The following PLCE1 variants were observed in gnomAD, a reference collection of about 807,000 sequenced individuals.
The protein encoded by PLCE1 is 1-phosphatidylinositol 4,5-bisphosphate phosphodiesterase epsilon-1.
A neutral mutation model predicts 242.8 loss-of-function variants in PLCE1; 119 were observed. The ratio of observed to expected loss-of-function variants is 0.49; its 90% CI spans 0.42 to 0.57. The LOEUF is 0.57. PLCE1 is among the 20% of genes least tolerant of loss of function. PLCE1 has a pLI of 0.00. For synonymous variants in PLCE1, 945 were observed against 1,017.4 expected (o/e 0.93, Z 1.35); for missense variants, 2,441 against 2,788.8 (o/e 0.88, Z 2.81).
chr10:94,138,070 G>T (rs1184642929), intron 3 of PLCE1: 1 of 363,788 alleles, frequency 2.7e-6, no homozygotes, highest in Non-Finnish European at 5.4e-6. Flanking sequence ...TTCGTCAGTT[G>T]TCTGTGGGCG....
intron 3 of PLCE1, among the ~76,000 whole-genome samples, chr10:94,142,192 G>A (rs557776096): frequency 1.2e-3 from 175 of 152,078 alleles, no homozygotes; most frequent in Non-Finnish European, 2.0e-3. Context: ...CAACAACTTC[G>A]GAGAGTTGTT....
At chr10:94,280,216 T>A in intron 20 of PLCE1, 1 of 410,874 alleles carries the variant, frequency 2.4e-6, no homozygotes, top group South Asian at 2.2e-5. Context: ...GTTTCTAGCG[T>A]GGCTGATAAT....
rs2051012911 is a variant in PLCE1, at chr10:94,254,923, C to T, written c.3428C>T (p.Pro1143Leu). The T allele has an allele frequency of 6.2e-7, 1 of 1,614,104 alleles. No individual in the cohort carries two copies. The highest frequency in any genetic ancestry group is 8.5e-7 in the Non-Finnish European group (1 of 1,179,996). Residue 1143 changes from proline (P) to leucine (L), a missense_variant, in exon 11 of 33, where the codon CCC (proline) becomes CTC (leucine). This residue lies in a region of PLCE1 where 1,004 missense variants were observed against 1,322.7 expected (regional missense o/e 0.76). Transcript: ENST00000371380. ...AATGCCATCGCTAACCCTCCAAACC[C>T]CCTCCCTTCCAGAAGAGCCCACTCT... ...EVNAIANPPN[P>L]LPSRRAHSLT...
intron 2 of PLCE1, among the ~76,000 whole-genome samples, chr10:94,091,326 C>T (rs2045060204): frequency 6.6e-6 from 1 of 152,182 alleles, no homozygotes. Flanking sequence ...TGAAAAGCCT[C>T]CTCCATGGCA....
intron 3 of PLCE1, among the ~76,000 whole-genome samples, chr10:94,157,375 C>A (rs569427256): frequency 1.3e-5 from 2 of 152,150 alleles, no homozygotes; most frequent in Non-Finnish European, 2.9e-5. Flanking sequence ...ATTTCCCCAT[C>A]ATCACTGTGA....
chr10:94,226,941 C>T (rs2137170579), intron 4 of PLCE1, among the ~76,000 whole-genome samples: 1 of 149,456 alleles, frequency 6.7e-6, no homozygotes, highest in South Asian at 2.1e-4. Flanking sequence ...TCGCTGCTCG[C>T]TGCAACCTTC....
At chr10:94,000,161 G>C (rs972675737) in intron 1 of PLCE1, among the ~76,000 whole-genome samples, 1 of 152,194 alleles carries the variant, frequency 6.6e-6, no homozygotes, top group South Asian at 2.1e-4. Context: ...GAGATTTTGC[G>C]TGAAAGAGGG....
chr10:94,198,450 TA>T (rs1199312017), intron 4 of PLCE1, among the ~76,000 whole-genome samples: 1 of 152,244 alleles, frequency 6.6e-6, no homozygotes, highest in East Asian at 1.9e-4. Flanking sequence ...TAAATTGAAC[TA>T]TAATTTACAT....
chr10:94,054,564 T>C (rs2043849901), intron 2 of PLCE1, among the ~76,000 whole-genome samples: 1 of 152,232 alleles, frequency 6.6e-6, no homozygotes, highest in Non-Finnish European at 1.5e-5. Context: ...TAAACTACTT[T>C]GTGAAGCCTC....
chr10:94,093,863 G>A (rs2045178261), intron 2 of PLCE1, among the ~76,000 whole-genome samples: 1 of 151,782 alleles, frequency 6.6e-6, no homozygotes, highest in Non-Finnish European at 1.5e-5. Context: ...GGTTTGTCAG[G>A]GTCAAAAGCT....
intron 2 of PLCE1, among the ~76,000 whole-genome samples, chr10:94,117,206 G>A (rs2046159929): frequency 1.3e-5 from 2 of 152,174 alleles, no homozygotes; most frequent in East Asian, 1.9e-4. Flanking sequence ...AAGAGTGTGA[G>A]GAATGAGCTT....
At chr10:94,263,115 C>T (rs536161414) in intron 14 of PLCE1, among the ~76,000 whole-genome samples, 5 of 152,202 alleles carry the variant, frequency 3.3e-5, no homozygotes, top group African/African-American at 1.2e-4. Context: ...CGTGATCTGC[C>T]CACCTCGGCC....
intron 7 of PLCE1, among the ~76,000 whole-genome samples, chr10:94,237,678 A>G (rs942433632): frequency 3.9e-5 from 6 of 152,158 alleles, no homozygotes; most frequent in African/African-American, 1.4e-4. Context: ...TCTTTACCTC[A>G]AGTGACTGCT....
chr10:94,066,071 CA>C lies in PLCE1; in HGVS notation c.1206+33820del, dbSNP rs544058199. Among the ~76,000 whole-genome samples the C allele has an allele frequency of 1.3e-3, 194 of 152,202 alleles. 1 individual carries two copies. The highest frequency in any genetic ancestry group is 3.9e-3 in the African/African-American group (162 of 41,510). ...TCATCTATAAAACAATCTATACTCT[CA>C]GGGGGAGGAGAAGAGGCACAAAAAT... On this transcript the variant is annotated intron_variant, in intron 2 of 32. Coordinates refer to ENST00000371380, the MANE Select transcript of PLCE1 (RefSeq NM_016341.4).
chr10:94,261,372 G>A (rs2051292228), intron 13 of PLCE1, among the ~76,000 whole-genome samples: 1 of 152,124 alleles, frequency 6.6e-6, no homozygotes, highest in East Asian at 1.9e-4. Flanking sequence ...ATTTTGCGGA[G>A]GTACTACAGT....
chr10:94,268,905 TG>T, intron 16 of PLCE1, 23 bp from the exon 17 acceptor site: 1 of 1,384,418 alleles, frequency 7.2e-7, no homozygotes, highest in Non-Finnish European at 1.0e-6. Context: ...TCACCTGGGG[TG>T]GATTCGCTCA....
chr10:94,311,537 C>T (rs1324175962), intron 27 of PLCE1, among the ~76,000 whole-genome samples: 1 of 152,236 alleles, frequency 6.6e-6, no homozygotes, highest in Non-Finnish European at 1.5e-5. Context: ...CCATGGAGAG[C>T]ATCACTCTCC....
At chr10:94,212,914 G>T (rs576796087) in intron 4 of PLCE1, among the ~76,000 whole-genome samples, 1 of 152,222 alleles carries the variant, frequency 6.6e-6, no homozygotes, top group Non-Finnish European at 1.5e-5. Context: ...TGCTCATCAA[G>T]ATTTCAAAAT....
Position 94,298,764 on chromosome 10 carries a change from T to G in PLCE1, c.5458+95T>G. ...TTTTCAAAGGGGCAAGATTCCAGAC[T>G]GGGGCACACCATATGTGAGAGTAAA... On this transcript the variant is annotated intron_variant, in intron 24 of 32. Transcript: ENST00000371380. This position sits in a 1 kb window ranked among gnomAD's most constrained non-coding sequence, Gnocchi z 5.2. 1 of 1,233,092 alleles carries G rather than the reference T, an allele frequency of 8.1e-7. No individual in the cohort carries two copies. The highest frequency in any genetic ancestry group is 1.2e-6 in the Non-Finnish European group (1 of 837,716). 76.4% of individuals were successfully genotyped at this position (1,233,092 alleles called of 1,614,324 possible). A position where few individuals can be genotyped will look rare whatever the true frequency, so the allele number is the denominator to read the frequency against.
Sources: allele counts gnomAD v4.1 joint callset (sites outside exome capture counted in the v4.1 genomes callset), GRCh38; gene constraint gnomAD v4.1.1; regional missense constraint gnomAD v4.1.1; non-coding constraint Gnocchi (gnomAD v3.1); transcripts MANE v1.5; gene names NCBI Gene and HGNC (gene_info 2026-07-23, HGNC 2026-07-21).